DGKI: variants seen among roughly 807,000 people sequenced by gnomAD.
DGKI encodes DAG kinase iota.
DGKI carries 55 observed loss-of-function variants against 147.5 expected under a neutral mutation model. That is an observed-to-expected ratio of 0.37 (90% confidence interval 0.30 to 0.47). The LOEUF (loss-of-function observed/expected upper bound fraction) is 0.47. Ranked by LOEUF, DGKI falls within the 20% of genes least tolerant of loss-of-function variation. DGKI has a pLI of 1.00. For synonymous variants in DGKI, 469 were observed against 477.1 expected, an observed-to-expected ratio of 0.98 and a Z score of 0.22; for missense variants, 1,007 against 1,323.8, an observed-to-expected ratio of 0.76 and a Z score of 3.71.
rs140339601 is a variant in DGKI at position 137,655,053 on chromosome 7, T to C, written c.682-265A>G. Reference sequence around the variant, plus strand: ...TTTAAACGATAATGCTCTTACACCATAAATTTGAGAAACTGAGATAAGAAA... The same window carrying C: ...TTTAAACGATAATGCTCTTACACCACAAATTTGAGAAACTGAGATAAGAAA... On this transcript the variant is annotated intron_variant, in intron 4 of 32. Transcript: ENST00000614521. Among the ~76,000 whole-genome samples the C allele has an allele frequency of 6.4e-3, 973 of 152,262 alleles. 14 individuals carry two copies. The highest frequency in any genetic ancestry group is 0.022 in the African/African-American group (923 of 41,556).
At chr7:137,637,541 A>T (rs1821356459) in intron 6 of DGKI, among the ~76,000 whole-genome samples, 1 of 152,244 alleles carries the variant, frequency 6.6e-6, no homozygotes, top group Non-Finnish European at 1.5e-5. Context: ...TTTCCTAACC[A>T]ACTGCTAAAC....
intron 23 of DGKI, among the ~76,000 whole-genome samples, chr7:137,484,750 A>G (rs1378311062): frequency 6.6e-6 from 1 of 152,098 alleles, no homozygotes; most frequent in African/African-American, 2.4e-5. Flanking sequence ...TACAGACTTT[A>G]TATGGGCCAT....
chr7:137,620,019 GCACACACACACACACACACA>G (rs3839659), intron 7 of DGKI, 79 bp from the exon 8 acceptor site: 9 of 502,464 alleles, frequency 1.8e-5, no homozygotes, highest in African/African-American at 9.8e-5. Context: ...ATGTACACAC[GCACACACACACACACACACA>G]CACACACACA....
chr7:137,796,649 T>C (rs1348429619), intron 1 of DGKI, among the ~76,000 whole-genome samples: 1 of 151,578 alleles, frequency 6.6e-6, no homozygotes, highest in East Asian at 1.9e-4. Context: ...AATTCTAGAG[T>C]TCGAAAGTGC....
In DGKI at chr7:137,384,204, T is replaced by A. The variant is rs989362011; in HGVS notation, c.*7016A>T. The A allele has an allele frequency of 1.2e-4, 19 of 152,002 alleles. No individual in the cohort carries two copies. The highest frequency in any genetic ancestry group is 4.6e-4 in the African/African-American group (19 of 41,426). The allele number at this position is 152,002 out of a possible 1,614,324, so 9.4% of individuals were successfully genotyped here. A position where few individuals can be genotyped will look rare whatever the true frequency, so the allele number is the denominator to read the frequency against. On this transcript the variant is annotated 3_prime_UTR_variant, in exon 33 of 33. Coordinates refer to ENST00000614521, the MANE Select transcript of DGKI (RefSeq NM_001321708.2). ...TTTTTTAAATGCTGAGAATCACAAA[T>A]AAGTTAAAGAAGCCATTAACGCTCA...
intron 6 of DGKI, among the ~76,000 whole-genome samples, chr7:137,635,510 G>A (rs941519037): frequency 6.6e-6 from 1 of 152,152 alleles, no homozygotes; most frequent in Admixed American, 6.5e-5. Context: ...TACGAAATGT[G>A]TGACCCACGA....
intron 6 of DGKI, among the ~76,000 whole-genome samples, chr7:137,637,927 G>C (rs537480485): frequency 2.0e-5 from 3 of 151,890 alleles, no homozygotes; most frequent in Non-Finnish European, 2.9e-5. Flanking sequence ...TTTTACACCT[G>C]GGGCAAAGAC....
In DGKI at chr7:137,395,578, G is replaced by T; in HGVS notation, c.3057+20C>A. ...GATCTCGCCCAGCGGGAGGATGTTT[G>T]CACTCACTCATCGAGTTACCTTGGA... On this transcript the variant is annotated intron_variant, in intron 32 of 32. Coordinates refer to ENST00000614521, the MANE Select transcript of DGKI (RefSeq NM_001321708.2). 1 of 1,607,722 alleles carries T rather than the reference G, an allele frequency of 6.2e-7. No homozygotes were observed.
intron 5 of DGKI, among the ~76,000 whole-genome samples, chr7:137,653,148 G>A (rs531636854): frequency 1.8e-4 from 27 of 152,296 alleles, no homozygotes; most frequent in African/African-American, 6.0e-4. Flanking sequence ...GTGTGTGCGC[G>A]CGCGTGCGCG....
In DGKI at chr7:137,565,339, A is replaced by C. The variant is rs79286254; in HGVS notation, c.1947+5836T>G. Among the ~76,000 whole-genome samples the C allele has an allele frequency of 1.3e-5, 2 of 152,182 alleles. 1 individual carries two copies. Among genetic ancestry groups the C allele is most frequent in the Non-Finnish European group, 2.9e-5 (2 of 68,006 alleles). On this transcript the variant is annotated intron_variant, in intron 19 of 32. Transcript: ENST00000614521. The stretch of plus-strand genomic sequence containing the variant: ...AAGCAATTAGAAACACATCAAATAT[A>C]GTTATTTATTTATGAGTCATAAAAT...
intron 6 of DGKI, among the ~76,000 whole-genome samples, chr7:137,645,109 G>A (rs1236237464): frequency 6.6e-6 from 1 of 152,192 alleles, no homozygotes; most frequent in Non-Finnish European, 1.5e-5. Flanking sequence ...TTTTATATTA[G>A]CAAACGTAGT....
At chr7:137,701,022 T>C (rs1289237504) in intron 1 of DGKI, among the ~76,000 whole-genome samples, 5 of 152,202 alleles carry the variant, frequency 3.3e-5, no homozygotes, top group African/African-American at 9.6e-5. Flanking sequence ...TATATTCCTA[T>C]CATATGGCCT....
At chr7:137,584,346 C>T (rs1387266953) in intron 14 of DGKI, among the ~76,000 whole-genome samples, 1 of 152,126 alleles carries the variant, frequency 6.6e-6, no homozygotes, top group Non-Finnish European at 1.5e-5. Flanking sequence ...AGGGAAGTGG[C>T]TACTCAGAAA....
In DGKI at chr7:137,427,614, T is replaced by C. The variant is rs564806983; in HGVS notation, c.2762-15407A>G. ...TCAAAAAATTAAAGAATCCAGGAGC[T>C]GGTTTTTTGAAAGGATCAACAAAAT... is the stretch of plus-strand genomic sequence containing the variant. On this transcript the variant is annotated intron_variant, in intron 28 of 32. Coordinates refer to ENST00000614521, the MANE Select transcript of DGKI (RefSeq NM_001321708.2). Among the ~76,000 whole-genome samples the C allele has an allele frequency of 1.8e-4, 27 of 152,224 alleles. No homozygotes were observed. In the East Asian group the frequency reaches 5.2e-3, roughly 29 times the overall value.
chr7:137,537,005 G>C (rs1471993005), intron 20 of DGKI, among the ~76,000 whole-genome samples: 7 of 152,204 alleles, frequency 4.6e-5, no homozygotes, highest in Non-Finnish European at 1.0e-4. Flanking sequence ...TGAAGTCCAA[G>C]TAACCATTAT....
intron 3 of DGKI, among the ~76,000 whole-genome samples, chr7:137,665,928 C>T (rs531995870): frequency 5.9e-5 from 9 of 152,160 alleles, no homozygotes; most frequent in Non-Finnish European, 1.2e-4. Flanking sequence ...AGCAGCCAAT[C>T]GGGGCTCATA....
In DGKI at chr7:137,793,641, T is replaced by A. The variant is rs927076379; in HGVS notation, c.401+52821A>T. On this transcript the variant is annotated intron_variant, in intron 1 of 32. Coordinates refer to ENST00000614521, the MANE Select transcript of DGKI (RefSeq NM_001321708.2). ...ATCTCTTACAAACACCATTTTCACATGTCATTCCCCTGCTTAAGAACTTAT... is the reference window on the plus strand; with the variant it reads ...ATCTCTTACAAACACCATTTTCACAAGTCATTCCCCTGCTTAAGAACTTAT... 2.6e-5 allele frequency among the ~76,000 whole-genome samples: 4 copies of A among 152,166 alleles called. No individual in the cohort carries two copies. The East Asian group carries it at 7.7e-4, about 29-fold the overall frequency.
intron 1 of DGKI, among the ~76,000 whole-genome samples, chr7:137,794,421 G>A (rs1164914250): frequency 6.6e-6 from 1 of 152,164 alleles, no homozygotes; most frequent in African/African-American, 2.4e-5. Flanking sequence ...TGATACAAAT[G>A]AACATTAAAT....
chr7:137,677,904 C>T (rs1823089470), intron 3 of DGKI, among the ~76,000 whole-genome samples: 1 of 152,138 alleles, frequency 6.6e-6, no homozygotes, highest in Admixed American at 6.6e-5. Flanking sequence ...GTTTTGATAT[C>T]TCCACAATGC....
Sources: gnomAD v4.1 joint callset for allele counts (sites outside exome capture counted in the v4.1 genomes callset) on GRCh38, gnomAD v4.1.1 for gene constraint, MANE v1.5 for transcripts, NCBI Gene and HGNC (gene_info 2026-07-23, HGNC 2026-07-21) for gene names.